Variants in AKIRIN2 observed in about 807,000 individuals in gnomAD.
AKIRIN2 encodes the protein akirin-2.
A neutral mutation model predicts 29.3 loss-of-function variants in AKIRIN2; 6 were observed. That is an observed-to-expected ratio of 0.20 (90% CI 0.11 to 0.40). The LOEUF (loss-of-function observed/expected upper bound fraction) is 0.40. Ranked by LOEUF, AKIRIN2 falls within the 10% of genes least tolerant of loss-of-function variation. The pLI is 1.00. For synonymous variants in AKIRIN2, 128 were observed against 117.5 expected (o/e 1.09, Z -0.58); for missense variants, 210 against 276.1 (o/e 0.76, Z 1.70).
chr6:87,683,941 C>T (rs1223495091), intron 1 of AKIRIN2, among the ~76,000 whole-genome samples: 4 of 152,266 alleles, frequency 2.6e-5, no homozygotes, highest in Non-Finnish European at 5.9e-5. Flanking sequence ...TGTGAGCCAC[C>T]GTGCCCAGCC....
At chr6:87,698,669 T>C (rs1771409601) in intron 1 of AKIRIN2, among the ~76,000 whole-genome samples, 1 of 152,182 alleles carries the variant, frequency 6.6e-6, no homozygotes, top group Admixed American at 6.5e-5. Flanking sequence ...AAATTCATAA[T>C]GCCAATTAGC....
chr6:87,679,305 G>A (rs888349267), intron 2 of AKIRIN2, among the ~76,000 whole-genome samples: 3 of 152,090 alleles, frequency 2.0e-5, no homozygotes, highest in African/African-American at 7.2e-5. Context: ...GGCCGAAGCA[G>A]GTGGAACCCT....
intron 1 of AKIRIN2, among the ~76,000 whole-genome samples, chr6:87,696,916 G>C (rs1022527603): frequency 6.6e-6 from 1 of 151,858 alleles, no homozygotes; most frequent in African/African-American, 2.4e-5. Context: ...TGAGGCAGGA[G>C]AATCTCTTGA....
At chr6:87,698,269 A>T (rs1228048641) in intron 1 of AKIRIN2, among the ~76,000 whole-genome samples, 1 of 151,940 alleles carries the variant, frequency 6.6e-6, no homozygotes, top group Non-Finnish European at 1.5e-5. Flanking sequence ...GGGTAAGCAA[A>T]CTTTTTCTGT....
chr6:87,681,596 G>C (rs755711101), intron 2 of AKIRIN2, 24 bp downstream of exon 2: 1 of 1,589,544 alleles, frequency 6.3e-7, no homozygotes. Context: ...AATAAACTTT[G>C]TAAATGACAA....
chr6:87,678,345 T>TA (rs111760102), intron 2 of AKIRIN2, among the ~76,000 whole-genome samples: 95,187 of 151,226 alleles, frequency 0.63, 31,275 homozygotes, highest in African/African-American at 0.83. Flanking sequence ...TAAAAATACA[T>TA]AAAAAAATTA....
rs1771123712 is a variant in AKIRIN2 at position 87,681,614 on chromosome 6, T to C, written c.379+6A>G. On this transcript the variant is annotated splice_donor_region_variant and intron_variant, in intron 2 of 4. Coordinates refer to ENST00000257787, the MANE Select transcript of AKIRIN2 (RefSeq NM_018064.4). The stretch of plus-strand genomic sequence containing the variant: ...AAACTTTGTAAATGACAAGAAATGT[T>C]ATTACCTGGTGAAGCTGGTCCACTG... The C allele has an allele frequency of 1.3e-6, 2 of 1,598,850 alleles. No individual in the cohort carries two copies. Among genetic ancestry groups the C allele is most frequent in the African/African-American group, 2.7e-5 (2 of 73,994 alleles).
intron 3 of AKIRIN2, among the ~76,000 whole-genome samples, chr6:87,676,596 AACACACACACACACAC>A (rs112353955): frequency 7.0e-6 from 1 of 142,046 alleles, no homozygotes; most frequent in Non-Finnish European, 1.5e-5. Context: ...CTCTACTAAA[AACACACACACACACAC>A]ACACACACAC....
At chr6:87,676,872 C>T (rs1195816986) in intron 3 of AKIRIN2, among the ~76,000 whole-genome samples, 3 of 150,948 alleles carry the variant, frequency 2.0e-5, no homozygotes, top group African/African-American at 7.3e-5. Context: ...GTCAGGAGAT[C>T]GAGACCATCC....
intron 1 of AKIRIN2, among the ~76,000 whole-genome samples, chr6:87,688,137 T>C (rs115412265): frequency 0.034 from 5,184 of 152,024 alleles, 295 homozygotes; most frequent in African/African-American, 0.12. Context: ...GTTTTTTTTC[T>C]TGTTTTTGTG....
intron 1 of AKIRIN2, among the ~76,000 whole-genome samples, chr6:87,685,234 AG>A (rs1394431139): frequency 6.6e-6 from 1 of 152,226 alleles, no homozygotes; most frequent in Non-Finnish European, 1.5e-5. Flanking sequence ...AGTAGCAAAC[AG>A]CTAACTGCAA....
chr6:87,694,804 CCATCA>C (rs1377590285), intron 1 of AKIRIN2, among the ~76,000 whole-genome samples: 3 of 152,150 alleles, frequency 2.0e-5, no homozygotes, highest in Non-Finnish European at 2.9e-5. Context: ...ACAAAGCCTA[CCATCA>C]CAAGAAATAT....
intron 1 of AKIRIN2, 77 bp downstream of exon 1, chr6:87,701,373 G>A: frequency 1.4e-6 from 2 of 1,430,504 alleles, no homozygotes; most frequent in Non-Finnish European, 1.8e-6. Flanking sequence ...CCCCACCCCA[G>A]GGGCCGCATC....
chr6:87,690,620 G>A (rs1243571553), intron 1 of AKIRIN2, among the ~76,000 whole-genome samples: 2 of 152,204 alleles, frequency 1.3e-5, no homozygotes, highest in African/African-American at 4.8e-5. Context: ...TTATGTGACT[G>A]ATGATGAAGC....
At chr6:87,688,432 G>C (rs1431108207) in intron 1 of AKIRIN2, among the ~76,000 whole-genome samples, 2 of 151,294 alleles carry the variant, frequency 1.3e-5, no homozygotes, top group Non-Finnish European at 2.9e-5. Context: ...TGCCTGGCAA[G>C]ACCGTGTCTT....
At chr6:87,697,652 T>C (rs1464780344) in intron 1 of AKIRIN2, among the ~76,000 whole-genome samples, 2 of 152,254 alleles carry the variant, frequency 1.3e-5, no homozygotes, top group Non-Finnish European at 2.9e-5. Flanking sequence ...TTATATTTCA[T>C]TGAAGCCAGC....
intron 3 of AKIRIN2, among the ~76,000 whole-genome samples, chr6:87,676,187 G>A (rs950533719): frequency 2.6e-5 from 4 of 152,164 alleles, no homozygotes; most frequent in Admixed American, 2.0e-4. Context: ...GGCTGGGACC[G>A]GGTGCGGTGG....
At chr6:87,701,322 C>T in intron 1 of AKIRIN2, 128 bp downstream of exon 1, 1 of 943,024 alleles carries the variant, frequency 1.1e-6, no homozygotes, top group Non-Finnish European at 1.5e-6. Flanking sequence ...ACGTGGCTGC[C>T]CTACTACTTT....
rs201472497 is a variant in AKIRIN2, at chr6:87,687,439, C to CAAAAAAAAAAA, written c.236-5687_236-5677dup. On this transcript the variant is annotated intron_variant, in intron 1 of 4. Transcript: ENST00000257787. ...GGGCAACAAGAGCAAAATTCCGTTT[C>CAAAAAAAAAAA]AAAAAAAAAAAAAAAAACACACTAC... 2.2e-4 allele frequency among the ~76,000 whole-genome samples: 24 copies of CAAAAAAAAAAA among 109,130 alleles called. 3 individuals are homozygous for CAAAAAAAAAAA. The highest frequency in any genetic ancestry group is 5.2e-4 in the African/African-American group (16 of 30,556). 71.6% of individuals were successfully genotyped at this position (109,130 alleles called of 152,430 possible). A position where few individuals can be genotyped will look rare whatever the true frequency, so the allele number is the denominator to read the frequency against.
Sources: allele counts gnomAD v4.1 joint callset (sites outside exome capture counted in the v4.1 genomes callset), GRCh38; gene constraint gnomAD v4.1.1; transcripts MANE v1.5; gene names NCBI Gene and HGNC (gene_info 2026-07-23, HGNC 2026-07-21).